TMEM255B: variants seen among roughly 807,000 people sequenced by gnomAD.
TMEM255B encodes family with sequence similarity 70, member B.
Under a neutral mutation model 34.5 loss-of-function variants are expected in TMEM255B, and 35 were observed. That is an observed-to-expected ratio of 1.01 (90% CI 0.77 to 1.34). TMEM255B has a LOEUF of 1.34. Ranked by LOEUF, TMEM255B falls within the 40% of genes most tolerant of loss-of-function variation. The probability of loss-of-function intolerance (pLI) is 0.00; values close to 1 mark genes in which losing one functional copy is unlikely to be tolerated. For missense variants in TMEM255B, 432 were observed against 433.2 expected, an observed-to-expected ratio of 1.00 and a Z score of 0.02; for synonymous variants, 206 against 201.2, an observed-to-expected ratio of 1.02 and a Z score of -0.20.
chr13:113,769,756 T>C lies in TMEM255B; in HGVS notation c.252+596T>C, dbSNP rs2050448106. On this transcript the variant is annotated intron_variant, in intron 3 of 8. Transcript: ENST00000375353. The surrounding 1 kb of genome is among the most constrained non-coding windows in gnomAD (Gnocchi z 4.2). Reference sequence around the variant, plus strand: ...AAGTCTGTTTTGTTGATGCACTGTTTTGGGGACTATAACTTTAAAAACAAA... The same window carrying C: ...AAGTCTGTTTTGTTGATGCACTGTTCTGGGGACTATAACTTTAAAAACAAA... 1 of 153,090 alleles carries C rather than the reference T, an allele frequency of 6.5e-6. No homozygotes were observed. Among genetic ancestry groups the C allele is most frequent in the Admixed American group, 6.5e-5 (1 of 15,466 alleles). 9.5% of individuals were successfully genotyped at this position (153,090 alleles called of 1,614,324 possible).
Position 113,811,930 on chromosome 13 carries a change from GTTTGTT to G in TMEM255B, c.*31_*36del, listed in dbSNP as rs2138591824. 1.3e-6 allele frequency: 2 copies of G among 1,537,026 alleles called. No individual in the cohort carries two copies. Among genetic ancestry groups the G allele is most frequent in the South Asian group, 2.4e-5 (2 of 82,278 alleles). ...AGAGGCGTGGAGTAAAAGATAACTTGTTTGTTTTTTTTTTTAAAAAAAAGGCAGCCT... is the reference window on the plus strand; with the variant it reads ...AGAGGCGTGGAGTAAAAGATAACTTGTTTTTTTTTAAAAAAAAGGCAGCCT... On this transcript the variant is annotated 3_prime_UTR_variant, in exon 9 of 9. Transcript: ENST00000375353.
intron 8 of TMEM255B, among the ~76,000 whole-genome samples, chr13:113,808,657 T>G (rs539904846): frequency 3.3e-5 from 5 of 150,304 alleles, no homozygotes; most frequent in Non-Finnish European, 7.4e-5. Flanking sequence ...CTGTGATTCC[T>G]GAGGGTTTAA....
At chr13:113,761,175 C>T (rs1393797521) in intron 1 of TMEM255B, 1 of 985,214 alleles carries the variant, frequency 1.0e-6, no homozygotes, top group Non-Finnish European at 1.2e-6. Context: ...ATGGAACTCA[C>T]TCTTCTTTTT....
chr13:113,775,233 A>T (rs987957461), intron 3 of TMEM255B, among the ~76,000 whole-genome samples: 13 of 151,942 alleles, frequency 8.6e-5, no homozygotes, highest in African/African-American at 3.1e-4. Flanking sequence ...CACACATACT[A>T]TACACACCAC....
At chr13:113,763,799 G>A (rs1057315713) in intron 1 of TMEM255B, among the ~76,000 whole-genome samples, 14 of 152,206 alleles carry the variant, frequency 9.2e-5, no homozygotes, top group Admixed American at 2.6e-4. Context: ...TAAGAATGTC[G>A]TTATCATCTT....
intron 3 of TMEM255B, among the ~76,000 whole-genome samples, chr13:113,778,138 C>T (rs985002989): frequency 5.3e-5 from 8 of 152,304 alleles, no homozygotes; most frequent in South Asian, 2.1e-4. Flanking sequence ...CCAGCAGGAT[C>T]GGTGCAGGAC....
In TMEM255B at chr13:113,813,237, C is replaced by G. The variant is rs2051362529; in HGVS notation, c.*1334C>G. 1 of 152,254 alleles carries G rather than the reference C, an allele frequency of 6.6e-6. No homozygotes were observed. The highest frequency in any genetic ancestry group is 6.5e-5 in the Admixed American group (1 of 15,280). 9.4% of individuals were successfully genotyped at this position (152,254 alleles called of 1,614,324 possible). A position where few individuals can be genotyped will look rare whatever the true frequency, so the allele number is the denominator to read the frequency against. On this transcript the variant is annotated 3_prime_UTR_variant, in exon 9 of 9. Coordinates refer to ENST00000375353, the MANE Select transcript of TMEM255B (RefSeq NM_182614.4). ...ACAAGACACCAAGTCGCCGTCTCTG[C>G]TCTGTGGGCCGCTCACGGTTCCCCA...
At chr13:113,759,704 C>CG (rs2050264402) in intron 1 of TMEM255B, among the ~76,000 whole-genome samples, 1 of 152,186 alleles carries the variant, frequency 6.6e-6, no homozygotes, top group Non-Finnish European at 1.5e-5. Flanking sequence ...CCATCTCTTC[C>CG]GTTTATTCCA....
chr13:113,786,084 T>C (rs140263174), intron 3 of TMEM255B, among the ~76,000 whole-genome samples: 1 of 152,308 alleles, frequency 6.6e-6, no homozygotes, highest in Non-Finnish European at 1.5e-5. Flanking sequence ...GTAAAATGAA[T>C]TCAAGCATCA....
chr13:113,794,431 A>C (rs191812419), intron 3 of TMEM255B, among the ~76,000 whole-genome samples: 142 of 152,098 alleles, frequency 9.3e-4, no homozygotes, highest in Non-Finnish European at 4.0e-4. Context: ...CCGACAACTC[A>C]TCCATCGGGA....
intron 2 of TMEM255B, among the ~76,000 whole-genome samples, chr13:113,767,055 G>T (rs113062975): frequency 6.6e-6 from 1 of 152,168 alleles, no homozygotes; most frequent in Non-Finnish European, 1.5e-5. Flanking sequence ...TGGTTGCTAC[G>T]TCATAAAGTG....
intron 8 of TMEM255B, among the ~76,000 whole-genome samples, chr13:113,807,893 A>G (rs1392039961): frequency 6.6e-6 from 1 of 152,094 alleles, no homozygotes; most frequent in Non-Finnish European, 1.5e-5. Flanking sequence ...GATCCACTTC[A>G]TCCCCATGGT....
chr13:113,759,828 C>T (rs1315075728), intron 1 of TMEM255B, among the ~76,000 whole-genome samples: 1 of 152,184 alleles, frequency 6.6e-6, no homozygotes, highest in Non-Finnish European at 1.5e-5. Flanking sequence ...TCGGCTCGCC[C>T]CTCTCTCGTG....
chr13:113,802,583 G>T (rs1410172988), intron 7 of TMEM255B, among the ~76,000 whole-genome samples: 1 of 149,430 alleles, frequency 6.7e-6, no homozygotes, highest in Admixed American at 6.7e-5. Context: ...ATGCAGGCCA[G>T]ACCCGGCCCA....
Position 113,769,238 on chromosome 13 carries a change from G to C in TMEM255B, c.252+78G>C. On this transcript the variant is annotated intron_variant, in intron 3 of 8. Transcript: ENST00000375353. This position sits in a 1 kb window ranked among gnomAD's most constrained non-coding sequence, Gnocchi z 4.2. ...TACAGCTGCACTGGGGCTCTGAGAA[G>C]AGTCAGCCCTGCCTCCCCAGCACAC... 6.5e-7 allele frequency: 1 copy of C among 1,532,000 alleles called. No homozygotes were observed. Among genetic ancestry groups the C allele is most frequent in the Non-Finnish European group, 9.0e-7 (1 of 1,106,746 alleles). The allele number at this position is 1,532,000 out of a possible 1,614,324, so 94.9% of individuals were successfully genotyped here.
At chr13:113,778,612 G>T (rs1198907730) in intron 3 of TMEM255B, among the ~76,000 whole-genome samples, 5 of 150,408 alleles carry the variant, frequency 3.3e-5, no homozygotes, top group Non-Finnish European at 7.4e-5. Flanking sequence ...GGTGAGTCTC[G>T]ATTTCACCTG....
At chr13:113,787,966 G>GT (rs1417858444) in intron 3 of TMEM255B, among the ~76,000 whole-genome samples, 1 of 142,566 alleles carries the variant, frequency 7.0e-6, no homozygotes, top group East Asian at 2.1e-4. Context: ...GAGGTGTTGA[G>GT]AAGACATCTG....
At chr13:113,775,331 C>G (rs1279176290) in intron 3 of TMEM255B, among the ~76,000 whole-genome samples, 3 of 152,244 alleles carry the variant, frequency 2.0e-5, no homozygotes, top group African/African-American at 7.2e-5. Context: ...TCCTTGCGCC[C>G]TGCTTAGCTT....
chr13:113,777,302 C>G (rs1594128684), intron 3 of TMEM255B, among the ~76,000 whole-genome samples: 1 of 152,294 alleles, frequency 6.6e-6, no homozygotes, highest in South Asian at 2.1e-4. Flanking sequence ...CTCTATCTCT[C>G]TGCCTCTCTT....
Sources: gnomAD v4.1 joint callset for allele counts (sites outside exome capture counted in the v4.1 genomes callset) on GRCh38, gnomAD v4.1.1 for gene constraint, Gnocchi (gnomAD v3.1) non-coding constraint, MANE v1.5 for transcripts, NCBI Gene and HGNC (gene_info 2026-07-23, HGNC 2026-07-21) for gene names.